The following AGO3 variants were observed in gnomAD, a reference collection of about 807,000 sequenced individuals.
AGO3 encodes the protein argonaute RISC catalytic component 3, also known as protein argonaute-3.
In AGO3, 16 loss-of-function variants were observed where a neutral mutation model predicts 105.5. The observed-to-expected ratio is 0.15, with a 90% CI of 0.10 to 0.23. The LOEUF (loss-of-function observed/expected upper bound fraction) is 0.23, where lower values mean the gene tolerates loss of function less well. AGO3 is among the 10% of genes least tolerant of loss of function. The pLI, the probability that AGO3 is intolerant of heterozygous loss-of-function variation, is 1.00. For synonymous variants in AGO3, 340 were observed against 367.3 expected (o/e 0.93, Z 0.85); for missense variants, 534 against 1,088.0 (o/e 0.49, Z 7.16).
At chr1:35,962,175 A>G (rs1646687975) in intron 2 of AGO3, among the ~76,000 whole-genome samples, 1 of 152,090 alleles carries the variant, frequency 6.6e-6, no homozygotes, top group Non-Finnish European at 1.5e-5. Flanking sequence ...AAGGTGGAAA[A>G]TTATTCCAGT....
chr1:36,039,544 G>C (rs891579037), intron 14 of AGO3, among the ~76,000 whole-genome samples: 5 of 149,104 alleles, frequency 3.4e-5, no homozygotes, highest in African/African-American at 1.2e-4. Flanking sequence ...ATGGGGTCTT[G>C]CTATTTTGCC....
chr1:36,035,160 TATGAG>T (rs986005164), intron 13 of AGO3, among the ~76,000 whole-genome samples: 3 of 152,154 alleles, frequency 2.0e-5, no homozygotes, highest in East Asian at 3.8e-4. Flanking sequence ...CCCTGTTAAA[TATGAG>T]ATGAGATCCG....
intron 11 of AGO3, among the ~76,000 whole-genome samples, chr1:36,015,141 G>A (rs1305803658): frequency 6.6e-6 from 1 of 152,108 alleles, no homozygotes; most frequent in Non-Finnish European, 1.5e-5. Context: ...CAGGCCTCTG[G>A]TCATGGGTTC....
At position 35,973,335 on chromosome 1, in the gene AGO3, G is replaced by T. The variant is rs781292616; in HGVS notation, c.522-40G>T. 7.1e-6 allele frequency: 10 copies of T among 1,414,870 alleles called. No individual in the cohort carries two copies. In the Admixed American group the frequency reaches 9.5e-5, roughly 13 times the overall value. 87.6% of individuals were successfully genotyped at this position (1,414,870 alleles called of 1,614,324 possible). A position where few individuals can be genotyped will look rare whatever the true frequency, so the allele number is the denominator to read the frequency against. On this transcript the variant is annotated intron_variant, in intron 4 of 18. Coordinates refer to ENST00000373191, the MANE Select transcript of AGO3 (RefSeq NM_024852.4). Reference sequence around the variant, plus strand: ...TTTCTGCAGATTTAAATACTTGCATGAGAAGGAAAGGATTGAACATGCCAT... The same window carrying T: ...TTTCTGCAGATTTAAATACTTGCATTAGAAGGAAAGGATTGAACATGCCAT...
At chr1:36,022,943 A>C (rs1407775448) in intron 11 of AGO3, among the ~76,000 whole-genome samples, 1 of 145,934 alleles carries the variant, frequency 6.9e-6, no homozygotes, top group South Asian at 2.1e-4. Context: ...CAAAAAAAAA[A>C]ACAAAAAAAA....
intron 12 of AGO3, among the ~76,000 whole-genome samples, chr1:36,031,075 A>G (rs1421608162): frequency 6.6e-6 from 1 of 152,214 alleles, no homozygotes; most frequent in Non-Finnish European, 1.5e-5. Context: ...ATTTTGAACA[A>G]ATAATCATCT....
chr1:35,954,360 A>G (rs1646527381), intron 2 of AGO3, among the ~76,000 whole-genome samples: 1 of 152,210 alleles, frequency 6.6e-6, no homozygotes, highest in Non-Finnish European at 1.5e-5. Flanking sequence ...AAATATTTAC[A>G]CACAAGGGAC....
At chr1:35,946,006 A>G in intron 2 of AGO3, 143 bp downstream of exon 2, 1 of 851,682 alleles carries the variant, frequency 1.2e-6, no homozygotes, top group Non-Finnish European at 1.7e-6. Flanking sequence ...AACTGATTGT[A>G]CTTCAGGGGT....
chr1:35,988,503 TAGA>T (rs1647320332), intron 5 of AGO3, among the ~76,000 whole-genome samples: 4 of 152,086 alleles, frequency 2.6e-5, no homozygotes, highest in African/African-American at 9.7e-5. Context: ...TGAGCTTTCT[TAGA>T]TTCCACATGT....
At chr1:36,040,199 A>C (rs1642188307) in intron 15 of AGO3, 108 bp from the exon 16 acceptor site, 1 of 1,288,798 alleles carries the variant, frequency 7.8e-7, no homozygotes, top group Admixed American at 2.4e-5. Context: ...TCTATTAGCT[A>C]TAGAGTGGTG....
intron 6 of AGO3, among the ~76,000 whole-genome samples, chr1:36,005,316 A>G (rs1640285581): frequency 1.3e-5 from 2 of 152,160 alleles, no homozygotes; most frequent in African/African-American, 2.4e-5. Flanking sequence ...AGTTCCCCCA[A>G]ATCAATTAGA....
At chr1:36,006,539 C>T (rs1277230584) in intron 6 of AGO3, among the ~76,000 whole-genome samples, 1 of 152,016 alleles carries the variant, frequency 6.6e-6, no homozygotes, top group Non-Finnish European at 1.5e-5. Flanking sequence ...GTGCAAATAA[C>T]AGAAATTTGT....
chr1:36,029,865 G>A (rs1216929782), intron 12 of AGO3, among the ~76,000 whole-genome samples: 3 of 149,946 alleles, frequency 2.0e-5, no homozygotes, highest in African/African-American at 7.4e-5. Context: ...GCTAATTTTT[G>A]TATTTTTAGT....
intron 2 of AGO3, among the ~76,000 whole-genome samples, chr1:35,949,478 A>C (rs1216354495): frequency 6.6e-6 from 1 of 152,196 alleles, no homozygotes; most frequent in African/African-American, 2.4e-5. Flanking sequence ...GTGCTTCAAC[A>C]ACTGGAATTC....
chr1:36,043,327 T>C lies in AGO3; in HGVS notation c.2173-120T>C, dbSNP rs954600336. On this transcript the variant is annotated intron_variant, in intron 16 of 18. Coordinates refer to ENST00000373191, the MANE Select transcript of AGO3 (RefSeq NM_024852.4). ...GCTCTGAATGACTGCTTAAGTCATA[T>C]TTCAAGGTGAAAGTAGTGAAATGTA... 5 of 748,140 alleles carry C rather than the reference T, an allele frequency of 6.7e-6. No individual in the cohort carries two copies. In the South Asian group the frequency reaches 7.2e-5, roughly 11 times the overall value. The allele number at this position is 748,140 out of a possible 1,614,324, so 46.3% of individuals were successfully genotyped here.
chr1:35,992,898 T>C (rs565596454), intron 5 of AGO3, among the ~76,000 whole-genome samples: 1 of 152,188 alleles, frequency 6.6e-6, no homozygotes, highest in Non-Finnish European at 1.5e-5. Context: ...TCACTTCCAG[T>C]AGGACTCACT....
At position 36,013,965 on chromosome 1, in the gene AGO3, A is replaced by G. The variant is rs1400763391; in HGVS notation, c.1323A>G (p.Lys441=). The part of the protein sequence containing the change: ...PSHGVWDMRG[K]QFHTGVEIKM... ...ATGGAGTATGGGACATGCGAGGGAAACAATTCCACACAGGAGTTGAAATCA... is the reference window on the plus strand; with the variant it reads ...ATGGAGTATGGGACATGCGAGGGAAGCAATTCCACACAGGAGTTGAAATCA... Residue 441 remains lysine, a synonymous_variant, in exon 11 of 19, where the codon AAA becomes AAG. Transcript: ENST00000373191. 3.7e-6 allele frequency: 6 copies of G among 1,614,048 alleles called. No homozygotes were observed. The highest frequency in any genetic ancestry group is 8.5e-7 in the Non-Finnish European group (1 of 1,180,034).
intron 1 of AGO3, among the ~76,000 whole-genome samples, chr1:35,939,855 G>A (rs1458352034): frequency 6.6e-6 from 1 of 151,804 alleles, no homozygotes; most frequent in African/African-American, 2.4e-5. Flanking sequence ...ACGTCCAATC[G>A]CTTCTCTTCT....
At chr1:35,951,907 A>G (rs1283877744) in intron 2 of AGO3, among the ~76,000 whole-genome samples, 1 of 152,122 alleles carries the variant, frequency 6.6e-6, no homozygotes, top group African/African-American at 2.4e-5. Flanking sequence ...TAAGTCACCC[A>G]TTTTAAAATG....
Sources: gnomAD v4.1 joint callset for allele counts (sites outside exome capture counted in the v4.1 genomes callset) on GRCh38, gnomAD v4.1.1 for gene constraint, MANE v1.5 for transcripts, NCBI Gene and HGNC (gene_info 2026-07-23, HGNC 2026-07-21) for gene names.